Variants in NTM observed in about 807,000 individuals in gnomAD.
NTM encodes neurotrimin, also known as IgLON family member 2.
A neutral mutation model predicts 42.1 loss-of-function variants in NTM; 13 were observed. That is an observed-to-expected ratio of 0.31 (90% CI 0.20 to 0.49). The LOEUF is 0.49. Ranked by LOEUF, NTM falls within the 20% of genes least tolerant of loss-of-function variation. The probability of loss-of-function intolerance (pLI) is 0.99; values close to 1 mark genes in which losing one functional copy is unlikely to be tolerated. For synonymous variants in NTM, 187 were observed against 179.2 expected (o/e 1.04, Z -0.35); for missense variants, 373 against 452.8 (o/e 0.82, Z 1.60).
At chr11:131,451,985 C>T (rs1463959885) in intron 1 of NTM, among the ~76,000 whole-genome samples, 2 of 152,310 alleles carry the variant, frequency 1.3e-5, no homozygotes, top group Middle Eastern at 3.4e-3. Flanking sequence ...GACACCCTCC[C>T]GCTCTCCGAT....
At chr11:131,935,035 G>A (rs753263188) in intron 2 of NTM, among the ~76,000 whole-genome samples, 2 of 152,128 alleles carry the variant, frequency 1.3e-5, no homozygotes, top group Non-Finnish European at 2.9e-5. Context: ...TTCAGGTGAG[G>A]GATAGTGGAA....
rs140068084 is a variant in NTM, at chr11:131,667,623, T to C, written c.83-243941T>C. Among the ~76,000 whole-genome samples, 1,277 of 152,252 alleles carry C rather than the reference T, an allele frequency of 8.4e-3. 18 individuals carry two copies. Among genetic ancestry groups the C allele is most frequent in the African/African-American group, 0.029 (1,189 of 41,534 alleles). On this transcript the variant is annotated intron_variant, in intron 1 of 8. Coordinates refer to ENST00000683400, the MANE Select transcript of NTM (RefSeq NM_001352005.2). ...TGGTCATGGAGGGACCCAGAGAAAG[T>C]TTCCTGCCTTACAGCAGTGAGCAAG...
At chr11:131,820,053 T>C (rs1251734339) in intron 1 of NTM, among the ~76,000 whole-genome samples, 1 of 152,226 alleles carries the variant, frequency 6.6e-6, no homozygotes, top group African/African-American at 2.4e-5. Context: ...GTTGCATCTC[T>C]CACTTTTCTT....
At chr11:131,715,391 G>C (rs372566391) in intron 1 of NTM, among the ~76,000 whole-genome samples, 7 of 152,278 alleles carry the variant, frequency 4.6e-5, no homozygotes, top group African/African-American at 1.7e-4. Flanking sequence ...CAAATAAGAG[G>C]AAGAATTTTG....
chr11:131,571,559 A>G (rs1476784407), intron 1 of NTM, among the ~76,000 whole-genome samples: 1 of 152,222 alleles, frequency 6.6e-6, no homozygotes, highest in Non-Finnish European at 1.5e-5. Context: ...GGGGGAAACC[A>G]AAACATTTTA....
intron 1 of NTM, among the ~76,000 whole-genome samples, chr11:131,636,624 G>T (rs111867611): frequency 1.3e-5 from 2 of 152,276 alleles, no homozygotes; most frequent in African/African-American, 4.8e-5. Context: ...CCCTGCAGAC[G>T]CAGCGGCTGC....
chr11:132,315,161 G>A (rs1164991686), intron 7 of NTM: 2 of 822,116 alleles, frequency 2.4e-6, no homozygotes, highest in Admixed American at 6.2e-5. Context: ...ACTCAGAGGG[G>A]AATGTTTGCT....
intron 4 of NTM, among the ~76,000 whole-genome samples, chr11:132,276,185 G>A (rs2093720961): frequency 6.6e-6 from 1 of 151,910 alleles, no homozygotes. Flanking sequence ...TTTTATTTTT[G>A]TGTGGCTGAA....
intron 1 of NTM, among the ~76,000 whole-genome samples, chr11:131,373,376 C>T (rs549981148): frequency 6.6e-6 from 1 of 152,236 alleles, no homozygotes; most frequent in Admixed American, 6.5e-5. Flanking sequence ...TCCTGTGCCT[C>T]CTGCCTCTTG....
intron 1 of NTM, chr11:131,911,205 G>T (rs1180071706): frequency 7.3e-7 from 1 of 1,375,824 alleles, no homozygotes. Context: ...CCCCCTCCTC[G>T]GCCACCTTCC....
At chr11:131,681,920 G>A (rs896032432) in intron 1 of NTM, among the ~76,000 whole-genome samples, 3 of 152,032 alleles carry the variant, frequency 2.0e-5, no homozygotes, top group Admixed American at 6.6e-5. Context: ...TGTCGTGTGT[G>A]TGTGTGTGTT....
At chr11:132,280,922 T>C (rs557867182) in intron 4 of NTM, among the ~76,000 whole-genome samples, 2 of 152,336 alleles carry the variant, frequency 1.3e-5, no homozygotes, top group South Asian at 2.1e-4. Flanking sequence ...AGGGCAGTCA[T>C]TGGCTAAGAA....
At chr11:131,998,432 G>A (rs546846468) in intron 2 of NTM, among the ~76,000 whole-genome samples, 36 of 152,284 alleles carry the variant, frequency 2.4e-4, no homozygotes, top group African/African-American at 8.2e-4. Flanking sequence ...ACACAGGCAA[G>A]GCTCTGCTTG....
At chr11:132,316,992 T>A (rs1224275198) in intron 7 of NTM, among the ~76,000 whole-genome samples, 3 of 152,212 alleles carry the variant, frequency 2.0e-5, no homozygotes, top group Non-Finnish European at 4.4e-5. Flanking sequence ...AAAATTATCA[T>A]CATTTTGCCA....
At chr11:131,778,090 C>T (rs2087376906) in intron 1 of NTM, among the ~76,000 whole-genome samples, 1 of 152,182 alleles carries the variant, frequency 6.6e-6, no homozygotes, top group South Asian at 2.1e-4. Flanking sequence ...GAAGTTTAAC[C>T]CCACTCAATA....
intron 1 of NTM, among the ~76,000 whole-genome samples, chr11:131,829,503 T>C (rs2042545744): frequency 6.6e-6 from 1 of 152,174 alleles, no homozygotes. Context: ...TACATATTGC[T>C]GCAAAGGACA....
chr11:131,431,656 T>C (rs894855744), intron 1 of NTM, among the ~76,000 whole-genome samples: 1 of 152,212 alleles, frequency 6.6e-6, no homozygotes, highest in Non-Finnish European at 1.5e-5. Context: ...GCAGTAAATA[T>C]TTACCTTCTC....
intron 1 of NTM, among the ~76,000 whole-genome samples, chr11:131,474,922 G>A (rs372055577): frequency 3.9e-5 from 6 of 152,248 alleles, no homozygotes; most frequent in African/African-American, 4.8e-5. Context: ...ATGTCACAAC[G>A]AAAGGCTTAA....
At chr11:132,179,845 G>T (rs1024382927) in intron 3 of NTM, among the ~76,000 whole-genome samples, 1 of 152,134 alleles carries the variant, frequency 6.6e-6, no homozygotes, top group South Asian at 2.1e-4. Context: ...CCTTGACTGG[G>T]GGGTAGCATA....
Sources: gnomAD v4.1 joint callset for allele counts (sites outside exome capture counted in the v4.1 genomes callset) on GRCh38, gnomAD v4.1.1 for gene constraint, MANE v1.5 for transcripts, NCBI Gene and HGNC (gene_info 2026-07-23, HGNC 2026-07-21) for gene names.